Variants in DGKI observed in about 807,000 individuals in gnomAD.
DGKI encodes the protein diacylglycerol kinase iota, also known as DAG kinase iota.
A neutral mutation model predicts 147.5 loss-of-function variants in DGKI; 55 were observed. That is an observed-to-expected ratio of 0.37 (90% confidence interval 0.30 to 0.47). The LOEUF (loss-of-function observed/expected upper bound fraction) is 0.47. Among genes scored for constraint, DGKI ranks in the 20% least tolerant of loss-of-function variants. The pLI is 1.00. For synonymous variants in DGKI, 469 were observed against 477.1 expected (o/e 0.98, Z 0.22); for missense variants, 1,007 against 1,323.8 (o/e 0.76, Z 3.71).
At chr7:137,512,584 T>A (rs1424338253) in intron 21 of DGKI, among the ~76,000 whole-genome samples, 1 of 152,210 alleles carries the variant, frequency 6.6e-6, no homozygotes, top group Admixed American at 6.5e-5. Context: ...GAGTATGTGT[T>A]ACATAAAATA....
At chr7:137,728,373 G>C (rs1487777722) in intron 1 of DGKI, among the ~76,000 whole-genome samples, 2 of 152,050 alleles carry the variant, frequency 1.3e-5, no homozygotes, top group Non-Finnish European at 2.9e-5. Flanking sequence ...TGAGACTGAG[G>C]GATAAATCCA....
rs970263048 is a variant in DGKI at position 137,465,944 on chromosome 7, G to A, written c.2576C>T (p.Pro859Leu). 34 of 1,613,984 alleles carry A rather than the reference G, an allele frequency of 2.1e-5. No individual in the cohort carries two copies. Among genetic ancestry groups the A allele is most frequent in the African/African-American group, 1.2e-4 (9 of 74,936 alleles). ...MVVSQPAGTP[P>L]GMPDLVVEQA... The stretch of plus-strand genomic sequence containing the variant: ...TTCCACCACCAGGTCAGGCATGCCC[G>A]GAGGTGTCCCCGCCGGCTGTGACAC... The change falls in exon 26 of 33, where the codon CCG becomes CTG. Residue 859 changes from proline to leucine, a missense_variant. Physicochemically the swap from Pro to Leu is moderately conservative, Grantham distance 98. This residue lies in a region of DGKI where 385 missense variants were observed against 445.2 expected (regional missense o/e 0.86). Coordinates refer to ENST00000614521, the MANE Select transcript of DGKI (RefSeq NM_001321708.2).
intron 1 of DGKI, among the ~76,000 whole-genome samples, chr7:137,750,450 T>C (rs574438353): frequency 2.0e-5 from 3 of 152,194 alleles, no homozygotes; most frequent in Admixed American, 6.5e-5. Context: ...GCCTGGCACA[T>C]AGTAGGTGCT....
intron 4 of DGKI, among the ~76,000 whole-genome samples, chr7:137,655,007 C>G (rs1822166903): frequency 6.6e-6 from 1 of 152,142 alleles, no homozygotes; most frequent in African/African-American, 2.4e-5. Context: ...CCTTCATTCT[C>G]ACAAATCAAA....
chr7:137,671,516 T>C (rs534002710), intron 3 of DGKI, among the ~76,000 whole-genome samples: 28 of 152,310 alleles, frequency 1.8e-4, no homozygotes, highest in African/African-American at 6.3e-4. Flanking sequence ...CATTGAACCA[T>C]AGTAGGTACA....
intron 30 of DGKI, among the ~76,000 whole-genome samples, chr7:137,398,291 C>T (rs1226281011): frequency 2.0e-5 from 3 of 152,274 alleles, no homozygotes; most frequent in African/African-American, 7.2e-5. Flanking sequence ...GATCATGACA[C>T]GTAACAAACC....
intron 21 of DGKI, among the ~76,000 whole-genome samples, chr7:137,507,858 T>C (rs552106693): frequency 6.6e-6 from 1 of 152,194 alleles, no homozygotes; most frequent in African/African-American, 2.4e-5. Context: ...GGGCTACACA[T>C]TCCCCAAGAC....
chr7:137,780,777 T>C (rs569044560), intron 1 of DGKI, among the ~76,000 whole-genome samples: 1 of 152,378 alleles, frequency 6.6e-6, no homozygotes, highest in East Asian at 1.9e-4. Context: ...AAAGGTGCTA[T>C]AAACTGTTTA....
intron 23 of DGKI, among the ~76,000 whole-genome samples, chr7:137,480,792 A>C (rs138393855): frequency 1.6e-3 from 249 of 152,244 alleles, no homozygotes; most frequent in African/African-American, 5.9e-3. Context: ...GTATGCACTA[A>C]AATCTCAAGT....
At position 137,722,572 on chromosome 7, in the gene DGKI, G is replaced by T. The variant is rs1794598160; in HGVS notation, c.402-32570C>A. 6 of 1,582,668 alleles carry T rather than the reference G, an allele frequency of 3.8e-6. No individual in the cohort carries two copies. In the Admixed American group the frequency reaches 8.4e-5, roughly 22 times the overall value. On this transcript the variant is annotated intron_variant, in intron 1 of 32. Transcript: ENST00000614521. ...AAGAACACACCAGAAATTTGTCATT[G>T]CCACCTCAACCAAAATCGATATCAG...
At chr7:137,644,516 A>G (rs1193925906) in intron 6 of DGKI, among the ~76,000 whole-genome samples, 1 of 152,200 alleles carries the variant, frequency 6.6e-6, no homozygotes, top group Non-Finnish European at 1.5e-5. Context: ...TCAGGCAGCC[A>G]ATATTTCCTT....
intron 28 of DGKI, among the ~76,000 whole-genome samples, chr7:137,415,080 C>T (rs1458213900): frequency 6.6e-6 from 1 of 152,034 alleles, no homozygotes; most frequent in Non-Finnish European, 1.5e-5. Context: ...GCTGGGCAGA[C>T]ATATCTCTGT....
At chr7:137,694,990 C>T (rs545522639) in intron 1 of DGKI, among the ~76,000 whole-genome samples, 1 of 152,152 alleles carries the variant, frequency 6.6e-6, no homozygotes, top group East Asian at 1.9e-4. Context: ...GATGTAATTA[C>T]TATTGAACCA....
At chr7:137,534,934 T>C (rs981285770) in intron 20 of DGKI, among the ~76,000 whole-genome samples, 5 of 152,074 alleles carry the variant, frequency 3.3e-5, no homozygotes, top group African/African-American at 7.2e-5. Flanking sequence ...GTGTCTTTTA[T>C]ATAAAGAGGG....
At chr7:137,501,263 A>G (rs972925546) in intron 21 of DGKI, among the ~76,000 whole-genome samples, 3 of 152,166 alleles carry the variant, frequency 2.0e-5, no homozygotes, top group Non-Finnish European at 4.4e-5. Flanking sequence ...TTATCCATTC[A>G]TCCATTGATA....
chr7:137,825,418 G>C (rs1227096885), intron 1 of DGKI, among the ~76,000 whole-genome samples: 1 of 152,126 alleles, frequency 6.6e-6, no homozygotes, highest in Admixed American at 6.5e-5. Flanking sequence ...GCAATATCTT[G>C]CATGGCTGTA....
intron 1 of DGKI, among the ~76,000 whole-genome samples, chr7:137,801,756 G>T (rs1429211346): frequency 6.6e-6 from 1 of 152,080 alleles, no homozygotes; most frequent in Non-Finnish European, 1.5e-5. Context: ...TGGGGAGAGA[G>T]GATTAGTAAA....
chr7:137,471,762 T>C (rs1814898844), intron 23 of DGKI, among the ~76,000 whole-genome samples: 1 of 151,512 alleles, frequency 6.6e-6, no homozygotes, highest in Non-Finnish European at 1.5e-5. Context: ...AAAAATGGTC[T>C]CATTCAGGAA....
At chr7:137,681,644 A>C (rs537577778) in intron 2 of DGKI, among the ~76,000 whole-genome samples, 27 of 152,376 alleles carry the variant, frequency 1.8e-4, no homozygotes, top group Non-Finnish European at 2.9e-4. Flanking sequence ...AGAAGATGGA[A>C]CTAGATGCAT....
Sources: gnomAD v4.1 joint callset for allele counts (sites outside exome capture counted in the v4.1 genomes callset) on GRCh38, gnomAD v4.1.1 for gene constraint, gnomAD v4.1.1 regional missense constraint, MANE v1.5 for transcripts, NCBI Gene and HGNC (gene_info 2026-07-23, HGNC 2026-07-21) for gene names.